Variants in GIGYF2 observed in about 807,000 individuals in gnomAD.
GIGYF2 encodes GRB10-interacting GYF protein 2.
Under a neutral mutation model 208.1 loss-of-function variants are expected in GIGYF2, and 25 were observed. The ratio of observed to expected loss-of-function variants is 0.12; its 90% CI spans 0.09 to 0.17. The LOEUF (loss-of-function observed/expected upper bound fraction) is 0.17, where lower values mean the gene tolerates loss of function less well. GIGYF2 is among the 10% of genes least tolerant of loss of function. GIGYF2 has a pLI of 1.00. For synonymous variants in GIGYF2, 534 were observed against 543.8 expected (o/e 0.98, Z 0.25); for missense variants, 1,302 against 1,579.4 (o/e 0.82, Z 2.98).
intron 22 of GIGYF2, among the ~76,000 whole-genome samples, chr2:232,838,103 G>C (rs114444765): frequency 1.3e-5 from 2 of 152,080 alleles, no homozygotes; most frequent in East Asian, 1.9e-4. Flanking sequence ...TATTATTTCC[G>C]ATGTACAAAG....
intron 2 of GIGYF2, among the ~76,000 whole-genome samples, chr2:232,728,713 A>G (rs1339046393): frequency 1.3e-5 from 2 of 152,178 alleles, no homozygotes; most frequent in Non-Finnish European, 2.9e-5. Context: ...CTGTTGTTAA[A>G]ATGACACCCC....
Position 232,783,089 on chromosome 2 carries a change from T to C in GIGYF2, c.533-4061T>C, listed in dbSNP as rs542845868. ...CACCCTTATGAAAATGAGCACGGCC[T>C]CTGGAGGCAGAACTTATATGGCTTG... On this transcript the variant is annotated intron_variant, in intron 8 of 28. Coordinates refer to ENST00000373563, the MANE Select transcript of GIGYF2 (RefSeq NM_001103146.3). Among the ~76,000 whole-genome samples, 10 of 152,352 alleles carry C rather than the reference T, an allele frequency of 6.6e-5. No homozygotes were observed. In the East Asian group the frequency reaches 1.5e-3, roughly 23 times the overall value.
chr2:232,837,152 C>T (rs1055438449), intron 22 of GIGYF2, among the ~76,000 whole-genome samples: 1 of 152,194 alleles, frequency 6.6e-6, no homozygotes, highest in Non-Finnish European at 1.5e-5. Context: ...AGAGAGCCTC[C>T]ACATCTGTTG....
intron 21 of GIGYF2, among the ~76,000 whole-genome samples, chr2:232,831,352 T>C (rs181799412): frequency 1.1e-4 from 16 of 152,332 alleles, no homozygotes; most frequent in Non-Finnish European, 1.6e-4. Flanking sequence ...CATAGATAGC[T>C]TCCAAGTTAC....
At chr2:232,719,640 G>C (rs137979136) in intron 2 of GIGYF2, among the ~76,000 whole-genome samples, 124 of 152,160 alleles carry the variant, frequency 8.1e-4, no homozygotes, top group Non-Finnish European at 1.6e-3. Flanking sequence ...GGAAATTATA[G>C]AAAAATATAG....
At chr2:232,801,057 C>T (rs927997964) in intron 14 of GIGYF2, among the ~76,000 whole-genome samples, 1 of 152,054 alleles carries the variant, frequency 6.6e-6, no homozygotes, top group Non-Finnish European at 1.5e-5. Flanking sequence ...GATCCCACCC[C>T]ATCTTTAAAA....
chr2:232,729,790 A>G (rs1697367580), intron 2 of GIGYF2: 3 of 749,490 alleles, frequency 4.0e-6, no homozygotes, highest in African/African-American at 1.7e-5. Context: ...AGACTTGGCA[A>G]CGAGTGCAGG....
chr2:232,778,375 TAAGTG>T (rs939743711), intron 8 of GIGYF2, among the ~76,000 whole-genome samples: 6 of 152,230 alleles, frequency 3.9e-5, no homozygotes, highest in Non-Finnish European at 8.8e-5. Context: ...AGAAATGTCT[TAAGTG>T]AAGCTAATTT....
chr2:232,831,632 C>G (rs1253307324), intron 21 of GIGYF2, among the ~76,000 whole-genome samples: 1 of 152,244 alleles, frequency 6.6e-6, no homozygotes, highest in Non-Finnish European at 1.5e-5. Flanking sequence ...CTAAGGAGGT[C>G]TGCCCATCAG....
At position 232,805,683 on chromosome 2, in the gene GIGYF2, G is replaced by A. The variant is rs371719852; in HGVS notation, c.1640-808G>A. Among the ~76,000 whole-genome samples, 4 of 152,218 alleles carry A rather than the reference G, an allele frequency of 2.6e-5. 1 individual carries two copies. The highest frequency in any genetic ancestry group is 6.5e-5 in the Admixed American group (1 of 15,296). On this transcript the variant is annotated intron_variant, in intron 14 of 28. Transcript: ENST00000373563. ...TAAAAAGAAAAAACAGGGAATTCACGATCATGTCATCACTGAGACCCCTAG... is the reference window on the plus strand; with the variant it reads ...TAAAAAGAAAAAACAGGGAATTCACAATCATGTCATCACTGAGACCCCTAG...
At chr2:232,773,397 TTTAC>T (rs1453963009) in intron 8 of GIGYF2, among the ~76,000 whole-genome samples, 1 of 152,150 alleles carries the variant, frequency 6.6e-6, no homozygotes, top group Admixed American at 6.5e-5. Flanking sequence ...ATAAAAGAAA[TTTAC>T]ACAAGGCAAA....
Position 232,817,030 on chromosome 2 carries a change from C to G in GIGYF2, c.2368C>G (p.Gln790Glu), listed in dbSNP as rs1700936328. Residue 790 changes from glutamine to glutamate, a missense_variant and splice_region_variant, in exon 20 of 29, where the codon CAG (glutamine) becomes GAG (glutamate). Gln to Glu is a conservative substitution (Grantham distance 29). Around this residue, in one of 8 missense-constraint regions of GIGYF2, gnomAD observed 701 missense variants for 793.0 expected, o/e 0.88. Coordinates refer to ENST00000373563, the MANE Select transcript of GIGYF2 (RefSeq NM_001103146.3). ...GGAAGAAGAACTTGCCCGAAGGAAA[C>G]AGGTATGTATCTGGGAACTCTGACC... ...REEEELARRKQEEALRRQREQ... is the reference protein window; with the variant it reads ...REEEELARRKEEEALRRQREQ... 1.2e-6 allele frequency: 2 copies of G among 1,609,854 alleles called. No homozygotes were observed. Among genetic ancestry groups the G allele is most frequent in the Admixed American group, 1.7e-5 (1 of 60,018 alleles).
intron 2 of GIGYF2, among the ~76,000 whole-genome samples, chr2:232,704,913 G>T (rs1309447254): frequency 3.6e-5 from 5 of 137,622 alleles, no homozygotes; most frequent in African/African-American, 1.3e-4. Context: ...AGGCTGGAGT[G>T]CAGTGGCGCG....
chr2:232,769,881 G>A (rs1446052819), intron 8 of GIGYF2, among the ~76,000 whole-genome samples: 1 of 152,166 alleles, frequency 6.6e-6, no homozygotes, highest in Admixed American at 6.5e-5. Context: ...CAGTCTAGTG[G>A]TGGTTTTAGT....
intron 9 of GIGYF2, among the ~76,000 whole-genome samples, chr2:232,789,153 A>G (rs1326482236): frequency 6.6e-6 from 1 of 152,170 alleles, no homozygotes; most frequent in Non-Finnish European, 1.5e-5. Flanking sequence ...CTTAATAAGT[A>G]CCTTGCATGT....
At chr2:232,698,037 C>A (rs1009848674) in intron 1 of GIGYF2, among the ~76,000 whole-genome samples, 8 of 152,182 alleles carry the variant, frequency 5.3e-5, no homozygotes, top group African/African-American at 1.9e-4. Flanking sequence ...CCCATGGCAG[C>A]CTTGGGGACC....
intron 22 of GIGYF2, among the ~76,000 whole-genome samples, chr2:232,837,059 G>T (rs1701660897): frequency 1.3e-5 from 2 of 152,196 alleles, no homozygotes; most frequent in African/African-American, 2.4e-5. Context: ...GCTTGGCCCG[G>T]CCAGCTGCAT....
chr2:232,730,310 T>C (rs1029038164), intron 2 of GIGYF2: 2 of 573,488 alleles, frequency 3.5e-6, no homozygotes, highest in Non-Finnish European at 6.2e-6. Flanking sequence ...TCTTCAGAAA[T>C]CTTTACTTTA....
intron 21 of GIGYF2, among the ~76,000 whole-genome samples, chr2:232,825,236 T>G (rs1701213478): frequency 6.6e-6 from 1 of 152,254 alleles, no homozygotes; most frequent in Non-Finnish European, 1.5e-5. Context: ...CATAATGCTC[T>G]GTGTGTCATG....
Sources: gnomAD v4.1 joint callset for allele counts (sites outside exome capture counted in the v4.1 genomes callset) on GRCh38, gnomAD v4.1.1 for gene constraint, gnomAD v4.1.1 regional missense constraint, MANE v1.5 for transcripts, NCBI Gene and HGNC (gene_info 2026-07-23, HGNC 2026-07-21) for gene names.